LAMA2: variants seen among roughly 807,000 people sequenced by gnomAD.
The protein encoded by LAMA2 is laminin subunit alpha 2.
LAMA2 carries 269 observed loss-of-function variants against 364.8 expected under a neutral mutation model. The ratio of observed to expected loss-of-function variants is 0.74; its 90% confidence interval spans 0.67 to 0.82. LAMA2 has a LOEUF of 0.82. Ranked by LOEUF, LAMA2 falls within the 40% of genes least tolerant of loss-of-function variation. LAMA2 has a pLI of 0.00. For missense variants in LAMA2, 3,807 were observed against 3,873.2 expected (o/e 0.98, Z 0.45); for synonymous variants, 1,379 against 1,370.6 (o/e 1.01, Z -0.14).
chr6:128,939,032 CA>C (rs1780002411), intron 1 of LAMA2, among the ~76,000 whole-genome samples: 1 of 152,080 alleles, frequency 6.6e-6, no homozygotes, highest in African/African-American at 2.4e-5. Context: ...AACAGTTATT[CA>C]GCTTACCCTA....
chr6:129,445,725 T>C lies in LAMA2; in HGVS notation c.6333T>C (p.Asp2111=), dbSNP rs1449774967. ...AACAGGAAGCTGACCGGCTAATAGA[T>C]AAACTCAAACCCATCAAGGAACTTG... ...NLEQEADRLI[D]KLKPIKELED... The change falls in exon 45 of 65, where the codon GAT becomes GAC. Residue 2111 remains aspartate, a synonymous_variant. Coordinates refer to ENST00000421865, the MANE Select transcript of LAMA2 (RefSeq NM_000426.4). 1.2e-6 allele frequency: 2 copies of C among 1,613,696 alleles called. No individual in the cohort carries two copies. The highest frequency in any genetic ancestry group is 1.7e-6 in the Non-Finnish European group (2 of 1,179,846).
chr6:129,205,511 C>T (rs1303521028), intron 12 of LAMA2, among the ~76,000 whole-genome samples: 4 of 97,284 alleles, frequency 4.1e-5, no homozygotes, highest in East Asian at 2.5e-4. Context: ...CACACACACA[C>T]ACACACACAC....
chr6:129,323,740 T>G (rs1775105667), intron 28 of LAMA2, among the ~76,000 whole-genome samples: 1 of 152,218 alleles, frequency 6.6e-6, no homozygotes, highest in African/African-American at 2.4e-5. Context: ...CTTTCTTTCT[T>G]AAATATGGAA....
intron 62 of LAMA2, among the ~76,000 whole-genome samples, chr6:129,510,238 T>C (rs1786463471): frequency 6.6e-6 from 1 of 152,044 alleles, no homozygotes; most frequent in Admixed American, 6.5e-5. Context: ...CAAAAAACCA[T>C]TAGAACTGAT....
intron 1 of LAMA2, among the ~76,000 whole-genome samples, chr6:128,958,306 G>GT (rs1781278522): frequency 6.6e-6 from 1 of 151,966 alleles, no homozygotes; most frequent in South Asian, 2.1e-4. Flanking sequence ...TAGAGCAAAA[G>GT]TTTTAAAACC....
intron 12 of LAMA2, among the ~76,000 whole-genome samples, chr6:129,242,107 G>A (rs1785429539): frequency 6.6e-6 from 1 of 152,132 alleles, no homozygotes; most frequent in Non-Finnish European, 1.5e-5. Context: ...TGTGGAAGGT[G>A]TACGTAAGCA....
chr6:129,286,062 A>G (rs1045526677), intron 18 of LAMA2, among the ~76,000 whole-genome samples: 19 of 152,152 alleles, frequency 1.2e-4, no homozygotes, highest in African/African-American at 4.6e-4. Flanking sequence ...GATTTGTTAA[A>G]GTACTCTCAA....
At chr6:129,143,229 T>G (rs968565834) in intron 4 of LAMA2, among the ~76,000 whole-genome samples, 1 of 152,008 alleles carries the variant, frequency 6.6e-6, no homozygotes, top group Non-Finnish European at 1.5e-5. Flanking sequence ...AAATTCACCA[T>G]TCCATTCAGG....
At chr6:129,220,239 CTT>C (rs147555231) in intron 12 of LAMA2, among the ~76,000 whole-genome samples, 3,756 of 152,208 alleles carry the variant, frequency 0.025, 156 homozygotes, top group African/African-American at 0.084. Context: ...AAATACATGA[CTT>C]AATATATTCC....
At chr6:129,167,602 G>A (rs9482994) in intron 9 of LAMA2, among the ~76,000 whole-genome samples, 2,819 of 151,798 alleles carry the variant, frequency 0.019, 104 homozygotes, top group African/African-American at 0.064. Context: ...TGCTATTGTG[G>A]ATAATGCCGC....
In LAMA2 at chr6:129,081,660, T is replaced by C. The variant is rs138042085; in HGVS notation, c.397-16513T>C. On this transcript the variant is annotated intron_variant, in intron 3 of 64. Transcript: ENST00000421865. ...TCAAAATCATTTCCAGAAGTTTAAG[T>C]CCTTTTTTCTTCATTTTTAGTGTGA... Among the ~76,000 whole-genome samples, 805 of 152,312 alleles carry C rather than the reference T, an allele frequency of 5.3e-3. 8 individuals are homozygous for C. The highest frequency in any genetic ancestry group is 0.018 in the African/African-American group (767 of 41,576).
chr6:129,460,131 T>C, intron 48 of LAMA2, 69 bp from the exon 49 acceptor site: 2 of 1,452,256 alleles, frequency 1.4e-6, no homozygotes, highest in Non-Finnish European at 1.9e-6. Flanking sequence ...TGATAATAAC[T>C]CTCATGGATA....
chr6:129,123,025 G>C (rs1251970922), intron 4 of LAMA2, among the ~76,000 whole-genome samples: 1 of 152,260 alleles, frequency 6.6e-6, no homozygotes, highest in African/African-American at 2.4e-5. Flanking sequence ...TGCGAGGCCG[G>C]GTGTGGTGGC....
At chr6:128,947,805 T>A (rs1028076035) in intron 1 of LAMA2, among the ~76,000 whole-genome samples, 4 of 152,046 alleles carry the variant, frequency 2.6e-5, no homozygotes, top group South Asian at 2.1e-4. Context: ...TGAGGACAGT[T>A]ACAGTGTTAT....
intron 1 of LAMA2, among the ~76,000 whole-genome samples, chr6:128,944,574 C>G (rs1780376775): frequency 6.6e-6 from 1 of 151,184 alleles, no homozygotes; most frequent in African/African-American, 2.4e-5. Flanking sequence ...GTGAGCAGAC[C>G]ACGATGTCAG....
At chr6:129,085,397 C>CT (rs1774317525) in intron 3 of LAMA2, among the ~76,000 whole-genome samples, 2 of 152,152 alleles carry the variant, frequency 1.3e-5, no homozygotes, top group Non-Finnish European at 2.9e-5. Context: ...ACACTCATAA[C>CT]CTGTTGAATT....
intron 1 of LAMA2, among the ~76,000 whole-genome samples, chr6:129,005,080 T>A (rs1053221827): frequency 3.3e-5 from 5 of 152,148 alleles, no homozygotes. Flanking sequence ...TACTCTAATG[T>A]GTTTTATTTT....
intron 12 of LAMA2, among the ~76,000 whole-genome samples, chr6:129,232,739 G>T (rs1784746160): frequency 6.6e-6 from 1 of 152,058 alleles, no homozygotes; most frequent in South Asian, 2.1e-4. Flanking sequence ...CTTTGCAAAT[G>T]TGACTAAGTT....
chr6:129,131,270 T>C (rs953866041), intron 4 of LAMA2, among the ~76,000 whole-genome samples: 4 of 152,352 alleles, frequency 2.6e-5, no homozygotes, highest in Non-Finnish European at 5.9e-5. Flanking sequence ...AAGTCCACTT[T>C]AGACAAATAA....
Sources: gnomAD v4.1 joint callset for allele counts (sites outside exome capture counted in the v4.1 genomes callset) on GRCh38, gnomAD v4.1.1 for gene constraint, MANE v1.5 for transcripts, NCBI Gene and HGNC (gene_info 2026-07-23, HGNC 2026-07-21) for gene names.